Variants in SYNCRIP observed in about 807,000 individuals in gnomAD.
SYNCRIP encodes the protein heterogeneous nuclear ribonucleoprotein Q.
SYNCRIP carries 9 observed loss-of-function variants against 68.9 expected under a neutral mutation model. The ratio of observed to expected loss-of-function variants is 0.13; its 90% confidence interval spans 0.08 to 0.23. SYNCRIP has a LOEUF of 0.23. Among genes scored for constraint, SYNCRIP ranks in the 10% least tolerant of loss-of-function variants. The pLI, the probability that SYNCRIP is intolerant of heterozygous loss-of-function variation, is 1.00. For missense variants in SYNCRIP, 414 were observed against 770.6 expected, an observed-to-expected ratio of 0.54 and a Z score of 5.48; for synonymous variants, 258 against 254.0, an observed-to-expected ratio of 1.02 and a Z score of -0.15.
At chr6:85,611,360 A>AT (rs1805226309), downstream of SYNCRIP, 1 of 152,554 alleles carries the variant, frequency 6.6e-6, no homozygotes, top group Non-Finnish European at 1.5e-5. Flanking sequence ...ATGCAAAATG[A>AT]TTGTTTGCCA....
At position 85,614,491 on chromosome 6, in the gene SYNCRIP, C is replaced by G. The variant is rs1393008302; in HGVS notation, c.*265G>C. ...GACACTACAGCCAAATGGACTTGAG[C>G]CAAATTTTCTCAAGCACAAATGCAA... On this transcript the variant is annotated 3_prime_UTR_variant, in exon 11 of 11. Coordinates refer to ENST00000369622, the MANE Select transcript of SYNCRIP (RefSeq NM_006372.5). 1 of 1,152,458 alleles carries G rather than the reference C, an allele frequency of 8.7e-7. No homozygotes were observed. Among genetic ancestry groups the G allele is most frequent in the Non-Finnish European group, 1.1e-6 (1 of 937,484 alleles). 71.4% of individuals were successfully genotyped at this position (1,152,458 alleles called of 1,614,324 possible). A position where few individuals can be genotyped will look rare whatever the true frequency, so the allele number is the denominator to read the frequency against.
rs73485412 is a variant in SYNCRIP, at chr6:85,641,496, G to T, written c.-12-45C>A. The T allele has an allele frequency of 2.3e-3, 3,697 of 1,573,848 alleles. 81 individuals are homozygous for T. In the African/African-American group the frequency reaches 0.044, roughly 19 times the overall value. ...AAAATTAAACTAGGATCTTCAAAAA[G>T]AATACAAGACAATATGAGAGCCCCA... On this transcript the variant is annotated intron_variant, in intron 1 of 10. Coordinates refer to ENST00000369622, the MANE Select transcript of SYNCRIP (RefSeq NM_006372.5).
At chr6:85,635,774 C>CAAAAAAAAAA (rs58599854) in intron 6 of SYNCRIP, among the ~76,000 whole-genome samples, 16 of 78,906 alleles carry the variant, frequency 2.0e-4, no homozygotes, top group African/African-American at 6.2e-4. Flanking sequence ...TTCTATCTCC[C>CAAAAAAAAAA]AAAAAAAAAA....
At chr6:85,624,212 G>T in intron 6 of SYNCRIP, 100 bp from the exon 7 acceptor site, 1 of 1,201,398 alleles carries the variant, frequency 8.3e-7, no homozygotes. Context: ...TTAAAAAGTA[G>T]TTTACCTTAA....
chr6:85,617,914 T>C (rs1248140747), intron 10 of SYNCRIP, among the ~76,000 whole-genome samples: 2 of 152,354 alleles, frequency 1.3e-5, no homozygotes, highest in East Asian at 1.9e-4. Context: ...CCAACTAAGT[T>C]TCCTTCAGTC....
intron 6 of SYNCRIP, among the ~76,000 whole-genome samples, chr6:85,633,224 CCAG>C (rs1808028757): frequency 6.6e-6 from 1 of 151,668 alleles, no homozygotes. Context: ...CCACTGCACT[CCAG>C]CCTGGGCAAC....
intron 6 of SYNCRIP, among the ~76,000 whole-genome samples, chr6:85,635,500 T>C (rs148225235): frequency 6.0e-4 from 91 of 152,232 alleles, no homozygotes; most frequent in African/African-American, 1.7e-3. Context: ...CCGGGTGCAG[T>C]GGCACACGTC....
intron 10 of SYNCRIP, among the ~76,000 whole-genome samples, chr6:85,618,142 C>G (rs911927): frequency 0.38 from 58,459 of 151,884 alleles, 11,555 homozygotes; most frequent in East Asian, 0.61. Context: ...TATTTCCTAT[C>G]TCTCAGAGAA....
chr6:85,616,694 G>A (rs1199942845), intron 10 of SYNCRIP, among the ~76,000 whole-genome samples: 5 of 152,146 alleles, frequency 3.3e-5, no homozygotes, highest in Admixed American at 6.5e-5. Flanking sequence ...ACTGACTAAC[G>A]TAAAAATGTT....
chr6:85,638,003 A>T (rs918715318), intron 4 of SYNCRIP, among the ~76,000 whole-genome samples: 4 of 152,182 alleles, frequency 2.6e-5, no homozygotes, highest in African/African-American at 9.7e-5. Flanking sequence ...AACTCCCAAA[A>T]AGTAACTGTT....
chr6:85,634,927 T>C (rs1020720308), intron 6 of SYNCRIP, among the ~76,000 whole-genome samples: 3 of 152,156 alleles, frequency 2.0e-5, no homozygotes, highest in African/African-American at 7.2e-5. Flanking sequence ...CCCAGCACTT[T>C]GGGAGGCCAA....
intron 10 of SYNCRIP, among the ~76,000 whole-genome samples, chr6:85,617,067 T>C (rs1805858222): frequency 6.6e-6 from 1 of 152,148 alleles, no homozygotes; most frequent in Non-Finnish European, 1.5e-5. Context: ...ACTCCACTAC[T>C]TACTATGTGA....
In SYNCRIP at chr6:85,619,412, T is replaced by C. The variant is rs777326605; in HGVS notation, c.1014A>G (p.Lys338=). ...DPDPEVMAKV[K]VLFVRNLANT... is the part of the protein sequence containing the mutation. ...TGGCAAGGTTGCGTACAAACAGCAC[T>C]TTTACCTAGGGGGAAGAAAATACCC... The change falls in exon 9 of 11, where the codon AAA becomes AAG. Residue 338 remains lysine, a synonymous_variant. Coordinates refer to ENST00000369622, the MANE Select transcript of SYNCRIP (RefSeq NM_006372.5). 1 of 1,611,288 alleles carries C rather than the reference T, an allele frequency of 6.2e-7. No homozygotes were observed. Among genetic ancestry groups the C allele is most frequent in the Non-Finnish European group, 8.5e-7 (1 of 1,179,470 alleles).
chr6:85,641,804 C>G lies in SYNCRIP; in HGVS notation c.-12-353G>C, dbSNP rs563315498. Among the ~76,000 whole-genome samples the G allele has an allele frequency of 7.9e-5, 12 of 152,254 alleles. 1 individual carries two copies. Among genetic ancestry groups the G allele is most frequent in the Admixed American group, 2.6e-4 (4 of 15,294 alleles). ...TGTGTGGAGAAAGCAAAACTGGGCT[C>G]CTCTCTCTCAAAGATAAACCCCCAA... On this transcript the variant is annotated intron_variant, in intron 1 of 10. Transcript: ENST00000369622.
At chr6:85,612,845 C>A (rs1289422933), downstream of SYNCRIP, 1 of 1,548,128 alleles carries the variant, frequency 6.5e-7, no homozygotes, top group Non-Finnish European at 8.7e-7. Flanking sequence ...TACTCCACTG[C>A]AAGCTTCTGG....
At chr6:85,624,156 A>C in intron 6 of SYNCRIP, 44 bp from the exon 7 acceptor site, 2 of 1,557,556 alleles carry the variant, frequency 1.3e-6, no homozygotes, top group Non-Finnish European at 1.8e-6. Context: ...TTACTTATAC[A>C]ACTAGAACAG....
rs372344365 is a variant in SYNCRIP at position 85,638,341 on chromosome 6, A to G, written c.376-985T>C. 2.3e-5 allele frequency among the ~76,000 whole-genome samples: 3 copies of G among 128,752 alleles called. No individual in the cohort carries two copies. In the East Asian group the frequency reaches 7.7e-4, roughly 33 times the overall value. The allele number at this position is 128,752 out of a possible 152,430, so 84.5% of individuals were successfully genotyped here. On this transcript the variant is annotated intron_variant, in intron 4 of 10. Transcript: ENST00000369622. ...GGTTGCAGTGAGCGGAGATCGCGCCACTGCACTCCAGCCTGGATGACAGAG... is the reference window on the plus strand; with the variant it reads ...GGTTGCAGTGAGCGGAGATCGCGCCGCTGCACTCCAGCCTGGATGACAGAG...
chr6:85,640,308 A>G lies in SYNCRIP; in HGVS notation c.288T>C (p.Cys96=). The change falls in exon 4 of 11, where the codon TGT becomes TGC. Residue 96 remains cysteine (C), a synonymous_variant. Coordinates refer to ENST00000369622, the MANE Select transcript of SYNCRIP (RefSeq NM_006372.5). The stretch of plus-strand genomic sequence containing the variant: ...TCTGCCTGTAAGTCTTCATGACTCC[A>G]CATAAAAAGGCACTTTTGTTCTGCA... The part of the protein sequence containing the change: ...SHVQNKSAFL[C]GVMKTYRQRE... 1 of 1,613,704 alleles carries G rather than the reference A, an allele frequency of 6.2e-7. No homozygotes were observed. The highest frequency in any genetic ancestry group is 8.5e-7 in the Non-Finnish European group (1 of 1,179,830).
chr6:85,627,465 C>CGT (rs1442047223), intron 6 of SYNCRIP, among the ~76,000 whole-genome samples: 2 of 151,750 alleles, frequency 1.3e-5, no homozygotes, highest in Non-Finnish European at 2.9e-5. Context: ...TTTTTTTGTA[C>CGT]GTGTATTTGA....
Sources: gnomAD v4.1 joint callset for allele counts (sites outside exome capture counted in the v4.1 genomes callset) on GRCh38, gnomAD v4.1.1 for gene constraint, MANE v1.5 for transcripts, NCBI Gene and HGNC (gene_info 2026-07-23, HGNC 2026-07-21) for gene names.